Variants in ZMYND8 observed in about 807,000 individuals in gnomAD.
The protein encoded by ZMYND8 is zinc finger MYND-type containing 8.
ZMYND8 carries 37 observed loss-of-function variants against 140.8 expected under a neutral mutation model. That is an observed-to-expected ratio of 0.26 (90% CI 0.20 to 0.35). The LOEUF is 0.35. Among genes scored for constraint, ZMYND8 ranks in the 10% least tolerant of loss-of-function variants. ZMYND8 has a pLI of 1.00. For missense variants in ZMYND8, 1,068 were observed against 1,570.0 expected, an observed-to-expected ratio of 0.68 and a Z score of 5.40; for synonymous variants, 592 against 597.1, an observed-to-expected ratio of 0.99 and a Z score of 0.12.
At chr20:47,330,484 G>A (rs113209763) in intron 2 of ZMYND8, among the ~76,000 whole-genome samples, 7 of 151,698 alleles carry the variant, frequency 4.6e-5, no homozygotes, top group African/African-American at 1.2e-4. Context: ...GATTACAGGC[G>A]TGAGACACCA....
At chr20:47,270,328 G>A (rs560958296) in intron 11 of ZMYND8, among the ~76,000 whole-genome samples, 46 of 130,418 alleles carry the variant, frequency 3.5e-4, no homozygotes, top group Middle Eastern at 5.6e-3. Context: ...AGCCAAGATC[G>A]CACCATTGCA....
At chr20:47,245,208 G>A (rs2040417902) in intron 14 of ZMYND8, among the ~76,000 whole-genome samples, 1 of 152,192 alleles carries the variant, frequency 6.6e-6, no homozygotes, top group African/African-American at 2.4e-5. Context: ...GGCATGAGGG[G>A]AGGAAAGCAA....
At chr20:47,345,841 G>A (rs1569248471) in intron 2 of ZMYND8, among the ~76,000 whole-genome samples, 1 of 148,262 alleles carries the variant, frequency 6.7e-6, no homozygotes, top group African/African-American at 2.5e-5. Flanking sequence ...ATGGGGGCGG[G>A]AGGGGGGGGT....
At chr20:47,303,560 C>CTATAGG (rs1204477010) in intron 3 of ZMYND8, among the ~76,000 whole-genome samples, 3 of 151,990 alleles carry the variant, frequency 2.0e-5, no homozygotes, top group Admixed American at 6.6e-5. Flanking sequence ...TCTACTAAAA[C>CTATAGG]TATAGGTGGG....
chr20:47,352,597 G>C (rs1382888607), intron 1 of ZMYND8: 2 of 959,538 alleles, frequency 2.1e-6, no homozygotes, highest in African/African-American at 3.5e-5. Context: ...TACTGTTACA[G>C]GTCTGAGCAT....
intron 2 of ZMYND8, among the ~76,000 whole-genome samples, chr20:47,343,935 G>T (rs2082121799): frequency 1.3e-5 from 2 of 150,382 alleles, no homozygotes; most frequent in African/African-American, 4.9e-5. Flanking sequence ...GATGGTCATG[G>T]TCAACATCAA....
chr20:47,227,301 C>T lies in ZMYND8; in HGVS notation c.2938-20G>A, dbSNP rs1444445519. On this transcript the variant is annotated intron_variant, in intron 17 of 22. Coordinates refer to ENST00000471951, the MANE Select transcript of ZMYND8 (RefSeq NM_001281775.3). Reference sequence around the variant, plus strand: ...GCGAATCTGGAAGAGGGAGAGTGAGCGTCTTCAAAAGCTGTCTCATGCAGT... The same window carrying T: ...GCGAATCTGGAAGAGGGAGAGTGAGTGTCTTCAAAAGCTGTCTCATGCAGT... 1 of 1,613,488 alleles carries T rather than the reference C, an allele frequency of 6.2e-7. No homozygotes were observed. The highest frequency in any genetic ancestry group is 8.5e-7 in the Non-Finnish European group (1 of 1,179,548).
intron 12 of ZMYND8, among the ~76,000 whole-genome samples, chr20:47,253,495 C>T (rs184690192): frequency 3.3e-5 from 5 of 149,366 alleles, no homozygotes; most frequent in African/African-American, 1.2e-4. Context: ...CGAGATCACA[C>T]CACTGCACTC....
chr20:47,344,061 C>G (rs2082140588), intron 2 of ZMYND8, among the ~76,000 whole-genome samples: 1 of 151,460 alleles, frequency 6.6e-6, no homozygotes, highest in South Asian at 2.1e-4. Flanking sequence ...GTCTCCACCC[C>G]CTCCACCCCG....
chr20:47,342,842 A>G (rs2082019643), intron 2 of ZMYND8, among the ~76,000 whole-genome samples: 2 of 144,276 alleles, frequency 1.4e-5, no homozygotes, highest in Non-Finnish European at 3.0e-5. Context: ...GCAAGACTAC[A>G]TCTCAAAAAA....
chr20:47,213,455 T>TG (rs2035585974), intron 21 of ZMYND8, among the ~76,000 whole-genome samples: 1 of 152,254 alleles, frequency 6.6e-6, no homozygotes, highest in Non-Finnish European at 1.5e-5. Flanking sequence ...CTGCCATGAA[T>TG]GATATGGTCA....
intron 2 of ZMYND8, among the ~76,000 whole-genome samples, chr20:47,345,812 T>C (rs1475957378): frequency 6.7e-5 from 9 of 134,174 alleles, no homozygotes; most frequent in Non-Finnish European, 1.1e-4. Context: ...CTCTGTCCAC[T>C]TTTTTTTTTT....
intron 6 of ZMYND8, among the ~76,000 whole-genome samples, chr20:47,291,201 T>C (rs2077243154): frequency 1.3e-5 from 2 of 152,328 alleles, no homozygotes; most frequent in South Asian, 4.1e-4. Flanking sequence ...TATGAAGTAA[T>C]GTTTCTTCCT....
chr20:47,255,587 TG>T (rs2074548849), intron 12 of ZMYND8, among the ~76,000 whole-genome samples: 1 of 132,012 alleles, frequency 7.6e-6, no homozygotes, highest in Non-Finnish European at 1.6e-5. Context: ...TGTGTGTGTG[TG>T]TGTGTGTATA....
chr20:47,249,223 G>A lies in ZMYND8; in HGVS notation c.1774+64C>T, dbSNP rs1249569723. On this transcript the variant is annotated intron_variant, in intron 13 of 22. Transcript: ENST00000471951. ...ATTCAACCTTGATTTCATCCAGGTGGTATCCCTACCAGTAATGATAACAAT... is the reference window on the plus strand; with the variant it reads ...ATTCAACCTTGATTTCATCCAGGTGATATCCCTACCAGTAATGATAACAAT... The A allele has an allele frequency of 8.4e-6, 13 of 1,552,906 alleles. No individual in the cohort carries two copies. In the Admixed American group the frequency reaches 2.1e-4, roughly 25 times the overall value.
chr20:47,331,931 C>T (rs1431034673), intron 2 of ZMYND8, among the ~76,000 whole-genome samples: 2 of 152,152 alleles, frequency 1.3e-5, no homozygotes, highest in African/African-American at 2.4e-5. Context: ...TTGCTGGACG[C>T]GGTGGCTCAC....
chr20:47,352,098 A>G, intron 1 of ZMYND8: 1 of 765,700 alleles, frequency 1.3e-6, no homozygotes, highest in Non-Finnish European at 1.6e-6. Context: ...GCCCCGTGGC[A>G]CAAACTGCAG....
At chr20:47,272,919 TG>T (rs1054985753) in intron 11 of ZMYND8, among the ~76,000 whole-genome samples, 1 of 152,216 alleles carries the variant, frequency 6.6e-6, no homozygotes, top group East Asian at 1.9e-4. Flanking sequence ...ATCCTGACTG[TG>T]GAAGCATTTT....
intron 8 of ZMYND8, among the ~76,000 whole-genome samples, chr20:47,286,612 A>C (rs934186223): frequency 1.3e-5 from 2 of 152,340 alleles, no homozygotes; most frequent in Non-Finnish European, 2.9e-5. Context: ...GAATGGGAGC[A>C]CACTGACAGG....
Sources: allele counts gnomAD v4.1 joint callset (sites outside exome capture counted in the v4.1 genomes callset), GRCh38; gene constraint gnomAD v4.1.1; transcripts MANE v1.5; gene names NCBI Gene and HGNC (gene_info 2026-07-23, HGNC 2026-07-21).